Variants in SPAG17 observed in about 807,000 individuals in gnomAD.
The protein encoded by SPAG17 is sperm associated antigen 17, also known as sperm-associated antigen 17.
In SPAG17, 169 loss-of-function variants were observed where a neutral mutation model predicts 273.6. The observed-to-expected ratio is 0.62, with a 90% CI of 0.55 to 0.70. The LOEUF (loss-of-function observed/expected upper bound fraction) is 0.70. Among genes scored for constraint, SPAG17 ranks in the 30% least tolerant of loss-of-function variants. The probability of loss-of-function intolerance (pLI) is 0.00; values close to 1 mark genes in which losing one functional copy is unlikely to be tolerated. For synonymous variants in SPAG17, 825 were observed against 873.2 expected (o/e 0.94, Z 0.97); for missense variants, 2,557 against 2,627.8 (o/e 0.97, Z 0.59).
At chr1:117,970,341 C>T (rs1438576931) in intron 45 of SPAG17, among the ~76,000 whole-genome samples, 1 of 152,234 alleles carries the variant, frequency 6.6e-6, no homozygotes, top group South Asian at 2.1e-4. Flanking sequence ...CGGGCTCCAA[C>T]CTGAGTTTCA....
At chr1:118,171,256 T>A (rs1189326246) in intron 1 of SPAG17, among the ~76,000 whole-genome samples, 5 of 152,280 alleles carry the variant, frequency 3.3e-5, no homozygotes, top group African/African-American at 9.6e-5. Flanking sequence ...TGTCACAACT[T>A]ACTGTTAAGG....
At position 118,025,173 on chromosome 1, in the gene SPAG17, C is replaced by T. The variant is rs1571271483; in HGVS notation, c.3909+65G>A. On this transcript the variant is annotated intron_variant, in intron 27 of 48. Transcript: ENST00000336338. Reference sequence around the variant, plus strand: ...CCTTTTCCCTGTTATAGAACAGTTCCTTACCCATAAGTTGTCTTTTACTTT... The same window carrying T: ...CCTTTTCCCTGTTATAGAACAGTTCTTTACCCATAAGTTGTCTTTTACTTT... 2.0e-6 allele frequency: 3 copies of T among 1,487,992 alleles called. No individual in the cohort carries two copies. The East Asian group carries it at 6.8e-5, about 34-fold the overall frequency. 92.2% of individuals were successfully genotyped at this position (1,487,992 alleles called of 1,614,324 possible).
chr1:118,158,756 G>T (rs1296865287), intron 1 of SPAG17, among the ~76,000 whole-genome samples: 2 of 151,996 alleles, frequency 1.3e-5, no homozygotes, highest in African/African-American at 2.4e-5. Flanking sequence ...TTTGATTATA[G>T]ATATATATAT....
Position 117,983,806 on chromosome 1 carries a change from A to T in SPAG17, c.5872+5T>A. On this transcript the variant is annotated splice_donor_5th_base_variant and intron_variant, in intron 42 of 48. Transcript: ENST00000336338. ...ATAGGAATATGTGCTATGCTAACAT[A>T]TTACCTAGATTAAGATCAGATGTAT... 1 of 1,585,242 alleles carries T rather than the reference A, an allele frequency of 6.3e-7. No homozygotes were observed.
intron 28 of SPAG17, among the ~76,000 whole-genome samples, chr1:118,022,003 A>G (rs1391692016): frequency 6.6e-6 from 1 of 152,144 alleles, no homozygotes; most frequent in Non-Finnish European, 1.5e-5. Flanking sequence ...TCCACACAAT[A>G]TTTCTGGGTA....
At chr1:117,954,615 T>C in intron 48 of SPAG17, 3 of 1,612,608 alleles carry the variant, frequency 1.9e-6, no homozygotes, top group Non-Finnish European at 2.5e-6. Flanking sequence ...TAATGGCTTA[T>C]GGCAGTATCT....
At chr1:117,983,189 G>T (rs1167649672) in intron 42 of SPAG17, among the ~76,000 whole-genome samples, 2 of 152,128 alleles carry the variant, frequency 1.3e-5, no homozygotes, top group Admixed American at 1.3e-4. Context: ...GCTTGTGCAG[G>T]GGAACTGCCC....
chr1:117,980,826 T>A lies in SPAG17; in HGVS notation c.6004+444A>T, dbSNP rs998545296. 3.9e-5 allele frequency among the ~76,000 whole-genome samples: 6 copies of A among 152,344 alleles called. No individual in the cohort carries two copies. In the South Asian group the frequency reaches 1.2e-3, roughly 32 times the overall value. On this transcript the variant is annotated intron_variant, in intron 43 of 48. Coordinates refer to ENST00000336338, the MANE Select transcript of SPAG17 (RefSeq NM_206996.4). ...CTGCTAGTCCAATAAGATTATGTGC[T>A]ATGTAAGATAGAGACTACATCTTAC...
chr1:118,025,457 T>A (rs1180336502), intron 26 of SPAG17, 41 bp from the exon 27 acceptor site: 1 of 1,330,228 alleles, frequency 7.5e-7, no homozygotes, highest in Non-Finnish European at 1.0e-6. Flanking sequence ...TGGACAATGC[T>A]GCAGGGCTGG....
chr1:117,971,302 G>C (rs1315739440), intron 45 of SPAG17, among the ~76,000 whole-genome samples: 1 of 152,190 alleles, frequency 6.6e-6, no homozygotes, highest in Non-Finnish European at 1.5e-5. Flanking sequence ...CAAAGCATTA[G>C]TAAAGCAAAG....
At chr1:118,129,740 CTTCT>C (rs1229120423) in intron 3 of SPAG17, among the ~76,000 whole-genome samples, 11 of 145,724 alleles carry the variant, frequency 7.5e-5, no homozygotes, top group African/African-American at 2.0e-4. Context: ...CTTTTCTTTC[CTTCT>C]TTGTTTTTTT....
chr1:118,172,672 G>A (rs912834257), intron 1 of SPAG17, among the ~76,000 whole-genome samples: 1 of 152,084 alleles, frequency 6.6e-6, no homozygotes, highest in Non-Finnish European at 1.5e-5. Context: ...GTATTCTGAA[G>A]AACACATATG....
intron 20 of SPAG17, among the ~76,000 whole-genome samples, chr1:118,045,078 CAAA>C (rs1650197594): frequency 6.6e-6 from 1 of 152,070 alleles, no homozygotes; most frequent in Non-Finnish European, 1.5e-5. Flanking sequence ...TTCAGATAAG[CAAA>C]AACTGAGTTT....
Position 118,015,949 on chromosome 1 carries a change from C to T in SPAG17, c.4287+16G>A, listed in dbSNP as rs1239133724. ...ATGACTTAGAAAATTTTGCAATAAA[C>T]AATAGTTTGTCATACCGTTCCATTG... On this transcript the variant is annotated intron_variant, in intron 29 of 48. Coordinates refer to ENST00000336338, the MANE Select transcript of SPAG17 (RefSeq NM_206996.4). 1.7e-5 allele frequency: 28 copies of T among 1,611,634 alleles called. No individual in the cohort carries two copies. Among genetic ancestry groups the T allele is most frequent in the Non-Finnish European group, 2.2e-5 (26 of 1,178,286 alleles).
intron 47 of SPAG17, 130 bp downstream of exon 47, chr1:117,966,479 C>T (rs1453360548): frequency 1.0e-6 from 1 of 955,752 alleles, no homozygotes; most frequent in African/African-American, 1.7e-5. Context: ...TGCTCTTTGT[C>T]TTAATAAATT....
chr1:118,097,698 G>A lies in SPAG17; in HGVS notation c.983C>T (p.Pro328Leu). The change falls in exon 7 of 49, where the codon CCT becomes CTT. Residue 328 changes from proline to leucine, a missense_variant. Pro to Leu is a moderately conservative substitution (Grantham distance 98). Transcript: ENST00000336338. ...LEYMVKAADF[P>L]SDWSDGEMML... ...CATCTCACCATCTGACCAGTCAGAAGGAAAATCAGCTGCTTTGACCATGTA... is the reference window on the plus strand; with the variant it reads ...CATCTCACCATCTGACCAGTCAGAAAGAAAATCAGCTGCTTTGACCATGTA... 1 of 1,604,460 alleles carries A rather than the reference G, an allele frequency of 6.2e-7. No homozygotes were observed. The highest frequency in any genetic ancestry group is 8.5e-7 in the Non-Finnish European group (1 of 1,176,884).
Position 118,107,994 on chromosome 1 carries a change from A to C in SPAG17, c.448-6068T>G, listed in dbSNP as rs915427986. On this transcript the variant is annotated intron_variant, in intron 4 of 48. Coordinates refer to ENST00000336338, the MANE Select transcript of SPAG17 (RefSeq NM_206996.4). Reference sequence around the variant, plus strand: ...AAAGAAAGGATTCTCTGGTGCAGAGAAAATATATGTAGACAATAAAACTGA... The same window carrying C: ...AAAGAAAGGATTCTCTGGTGCAGAGCAAATATATGTAGACAATAAAACTGA... 2.6e-5 allele frequency among the ~76,000 whole-genome samples: 4 copies of C among 152,324 alleles called. No homozygotes were observed. In the South Asian group the frequency reaches 8.3e-4, roughly 32 times the overall value.
chr1:118,022,792 A>G (rs1647261987), intron 28 of SPAG17, among the ~76,000 whole-genome samples: 1 of 152,174 alleles, frequency 6.6e-6, no homozygotes, highest in Non-Finnish European at 1.5e-5. Context: ...CTAGTCAATG[A>G]CATAAAGACA....
intron 3 of SPAG17, among the ~76,000 whole-genome samples, chr1:118,130,315 C>T (rs1657986945): frequency 1.3e-5 from 2 of 152,166 alleles, no homozygotes; most frequent in African/African-American, 4.8e-5. Flanking sequence ...CTGGGATCTA[C>T]CCCACAACTA....
Sources: allele counts gnomAD v4.1 joint callset (sites outside exome capture counted in the v4.1 genomes callset), GRCh38; gene constraint gnomAD v4.1.1; transcripts MANE v1.5; gene names NCBI Gene and HGNC (gene_info 2026-07-23, HGNC 2026-07-21).